NAT1: variants seen among roughly 807,000 people sequenced by gnomAD.
NAT1 encodes the protein N-acetyltransferase 1, also known as arylamine N-acetyltransferase 1.
For synonymous variants in NAT1, 144 were observed against 122.6 expected, an observed-to-expected ratio of 1.17 and a Z score of -1.16; for missense variants, 400 against 339.2, an observed-to-expected ratio of 1.18 and a Z score of -1.41.
At chr8:18,172,347 A>G (rs1802127352) in intron 2 of NAT1, among the ~76,000 whole-genome samples, 2 of 152,164 alleles carry the variant, frequency 1.3e-5, no homozygotes, top group Non-Finnish European at 2.9e-5. Context: ...TAGCTTTTCA[A>G]ACTGACTTCT....
At chr8:18,172,741 A>G (rs2040471) in intron 2 of NAT1, among the ~76,000 whole-genome samples, 4 of 152,000 alleles carry the variant, frequency 2.6e-5, no homozygotes, top group Non-Finnish European at 5.9e-5. Flanking sequence ...TACATCTTTC[A>G]TGGTTTGTAT....
chr8:18,178,526 C>T (rs1802380188), intron 2 of NAT1, among the ~76,000 whole-genome samples: 1 of 152,040 alleles, frequency 6.6e-6, no homozygotes, highest in Non-Finnish European at 1.5e-5. Flanking sequence ...CTACTTTGGC[C>T]AGGATGTGTA....
chr8:18,222,567 G>T lies in NAT1; in HGVS notation c.520G>T (p.Glu174Ter), dbSNP rs371668421. 3.3e-5 allele frequency: 54 copies of T among 1,613,874 alleles called. No individual in the cohort carries two copies. The highest frequency in any genetic ancestry group is 4.4e-5 in the Non-Finnish European group (52 of 1,179,978). Residue 174 changes from glutamate (E) to a stop codon, truncating the protein, a stop_gained, in exon 3 of 3, where the codon GAA (glutamate) becomes TAA (stop). Transcript: ENST00000307719. LOFTEE classifies it low-confidence loss of function (END_TRUNC). ...AAGGGAACAGTACATTCCAAATGAA[G>T]AATTTCTTCATTCTGATCTCCTAGA... ...IRREQYIPNEEFLHSDLLEDS... is the reference protein window; with the variant it reads ...IRREQYIPNE
chr8:18,192,712 T>A (rs1240010583), intron 2 of NAT1, among the ~76,000 whole-genome samples: 1 of 151,690 alleles, frequency 6.6e-6, no homozygotes, highest in African/African-American at 2.4e-5. Flanking sequence ...AAATTGGAAA[T>A]CATCATTCTC....
At chr8:18,170,987 C>T (rs28383656) in intron 2 of NAT1, among the ~76,000 whole-genome samples, 1 of 151,976 alleles carries the variant, frequency 6.6e-6, no homozygotes, top group African/African-American at 2.4e-5. Context: ...GAACAGGGTT[C>T]AAAATCAAAT....
chr8:18,177,894 C>T (rs1044734492), intron 2 of NAT1, among the ~76,000 whole-genome samples: 4 of 151,964 alleles, frequency 2.6e-5, no homozygotes, highest in African/African-American at 9.7e-5. Flanking sequence ...CCTTAAGGAC[C>T]CTTCCAGTTT....
intron 2 of NAT1, among the ~76,000 whole-genome samples, chr8:18,176,689 T>C (rs1420554024): frequency 6.6e-6 from 1 of 152,100 alleles, no homozygotes; most frequent in Non-Finnish European, 1.5e-5. Context: ...AAGATTGTTT[T>C]GGCTATTCAG....
At position 18,222,587 on chromosome 8, in the gene NAT1, C is replaced by T; in HGVS notation, c.540C>T (p.Leu180=). 6.2e-7 allele frequency: 1 copy of T among 1,613,642 alleles called. No homozygotes were observed. The stretch of plus-strand genomic sequence containing the variant: ...ATGAAGAATTTCTTCATTCTGATCT[C>T]CTAGAAGACAGCAAATACCGAAAAA... ...IPNEEFLHSD[L]LEDSKYRKIY... Residue 180 remains leucine (L), a synonymous_variant, in exon 3 of 3, where the codon CTC becomes CTT. Transcript: ENST00000307719.
intron 2 of NAT1, among the ~76,000 whole-genome samples, chr8:18,220,428 C>T (rs1223360614): frequency 6.6e-6 from 1 of 152,074 alleles, no homozygotes; most frequent in Non-Finnish European, 1.5e-5. Context: ...ATCCTCAGGC[C>T]ATACCACATA....
At chr8:18,186,393 G>T (rs750586988) in intron 2 of NAT1, among the ~76,000 whole-genome samples, 1 of 152,006 alleles carries the variant, frequency 6.6e-6, no homozygotes, top group East Asian at 1.9e-4. Flanking sequence ...GCATGATACT[G>T]GTGTAGGTAC....
At chr8:18,186,757 C>G (rs1259745553) in intron 2 of NAT1, among the ~76,000 whole-genome samples, 1 of 152,056 alleles carries the variant, frequency 6.6e-6, no homozygotes, top group Non-Finnish European at 1.5e-5. Flanking sequence ...TGCCCCTTCC[C>G]TTAACAAAGC....
intron 2 of NAT1, among the ~76,000 whole-genome samples, chr8:18,197,856 C>T (rs986943272): frequency 6.7e-6 from 1 of 149,814 alleles, no homozygotes; most frequent in Non-Finnish European, 1.5e-5. Context: ...GGGGGATCTG[C>T]TAGAGGGATG....
intron 1 of NAT1, chr8:18,211,158 T>C (rs1049749539): frequency 2.9e-5 from 4 of 136,052 alleles, no homozygotes; most frequent in Admixed American, 7.3e-5. Flanking sequence ...CCAGGAGGTA[T>C]GAATGACAAA....
chr8:18,178,875 A>C (rs1387398546), intron 2 of NAT1, among the ~76,000 whole-genome samples: 2 of 152,132 alleles, frequency 1.3e-5, no homozygotes, highest in African/African-American at 2.4e-5. Flanking sequence ...TTCAAGTCTA[A>C]TACCACTTAC....
chr8:18,204,744 T>G (rs1016291673), intron 2 of NAT1, among the ~76,000 whole-genome samples: 1 of 152,204 alleles, frequency 6.6e-6, no homozygotes, highest in African/African-American at 2.4e-5. Context: ...TTAAAACTAA[T>G]AGCCATAAGA....
chr8:18,193,630 GC>G (rs1239728614), intron 2 of NAT1, among the ~76,000 whole-genome samples: 6 of 91,724 alleles, frequency 6.5e-5, no homozygotes, highest in African/African-American at 2.6e-4. Context: ...CTGTAAACCT[GC>G]TTTTTTTTTT....
rs1226462500 is a variant in NAT1, at chr8:18,223,263, TA to T, written c.*350del. 1.2e-5 allele frequency: 2 copies of T among 167,394 alleles called. No homozygotes were observed. Among genetic ancestry groups the T allele is most frequent in the African/African-American group, 4.8e-5 (2 of 41,466 alleles). The allele number at this position is 167,394 out of a possible 1,614,324, so 10.4% of individuals were successfully genotyped here. A position where few individuals can be genotyped will look rare whatever the true frequency, so the allele number is the denominator to read the frequency against. ...TGGTAGATGAGTAAATAAAATATTG[TA>T]AAAAAACTTATTGTCTATAAAGTAT... On this transcript the variant is annotated 3_prime_UTR_variant, in exon 3 of 3. Transcript: ENST00000307719.
chr8:18,181,249 A>C (rs1002875507), intron 2 of NAT1, among the ~76,000 whole-genome samples: 1 of 152,186 alleles, frequency 6.6e-6, no homozygotes, highest in African/African-American at 2.4e-5. Context: ...AAATTTAAAA[A>C]GTAGCTATTC....
At chr8:18,201,089 C>G (rs1233159497) in intron 2 of NAT1, 1 of 152,106 alleles carries the variant, frequency 6.6e-6, no homozygotes, top group Non-Finnish European at 1.5e-5. Context: ...ATGATGAATA[C>G]TGACAGCATT....
Sources: allele counts gnomAD v4.1 joint callset (sites outside exome capture counted in the v4.1 genomes callset), GRCh38; gene constraint gnomAD v4.1.1; transcripts MANE v1.5; gene names NCBI Gene and HGNC (gene_info 2026-07-23, HGNC 2026-07-21).